ADGRA2: variants seen among roughly 807,000 people sequenced by gnomAD.
ADGRA2 encodes adhesion G protein-coupled receptor A2.
ADGRA2 carries 61 observed loss-of-function variants against 98.7 expected under a neutral mutation model. The observed-to-expected ratio is 0.62, with a 90% confidence interval of 0.50 to 0.76. The LOEUF is 0.76. Ranked by LOEUF, ADGRA2 falls within the 30% of genes least tolerant of loss-of-function variation. The pLI is 0.00. For synonymous variants in ADGRA2, 858 were observed against 831.5 expected (o/e 1.03, Z -0.55); for missense variants, 1,712 against 1,860.0 (o/e 0.92, Z 1.46).
intron 2 of ADGRA2, among the ~76,000 whole-genome samples, chr8:37,815,952 T>A (rs1804967247): frequency 6.6e-6 from 1 of 152,148 alleles, no homozygotes; most frequent in Admixed American, 6.6e-5. Flanking sequence ...TCTGCTCTCA[T>A]CCTGCTAGGC....
rs1805845874 is a variant in ADGRA2 at position 37,842,690 on chromosome 8, A to G, written c.*335A>G. 8.0e-6 allele frequency: 2 copies of G among 249,082 alleles called. No homozygotes were observed. 15.4% of individuals were successfully genotyped at this position (249,082 alleles called of 1,614,324 possible). On this transcript the variant is annotated 3_prime_UTR_variant, in exon 19 of 19. Transcript: ENST00000412232. ...AGTACTCCCACCCCGCCTACTGTCC[A>G]TGCGGCCTCACTGGGGGCCATCAGC... is the stretch of plus-strand genomic sequence containing the variant.
rs375841048 is a variant in ADGRA2 at position 37,835,408 on chromosome 8, G to A, written c.1833+10G>A. 12 of 1,602,574 alleles carry A rather than the reference G, an allele frequency of 7.5e-6. No individual in the cohort carries two copies. Among genetic ancestry groups the A allele is most frequent in the South Asian group, 1.1e-5 (1 of 90,750 alleles). On this transcript the variant is annotated intron_variant, in intron 12 of 18. Transcript: ENST00000412232. ...GTCCTTCCACATCAAGGTGGGCGCT[G>A]GGGGAGGGAGAGGGGGTGGGAGAAG...
In ADGRA2 at chr8:37,802,319, C is replaced by T. The variant is rs1192099031; in HGVS notation, c.266+4785C>T. 1.3e-5 allele frequency among the ~76,000 whole-genome samples: 2 copies of T among 152,232 alleles called. No individual in the cohort carries two copies. Among genetic ancestry groups the T allele is most frequent in the South Asian group, 2.1e-4 (1 of 4,824 alleles). On this transcript the variant is annotated intron_variant, in intron 1 of 18. Coordinates refer to ENST00000412232, the MANE Select transcript of ADGRA2 (RefSeq NM_032777.10). The surrounding 1 kb of genome is among the most constrained non-coding windows in gnomAD (Gnocchi z 4.7). The stretch of plus-strand genomic sequence containing the variant: ...TGCTGGTGGAGGGGCGGGCCCAGGC[C>T]GGCGCCTCCACCCCCTTCTCTTCCA...
rs1805134364 is a variant in ADGRA2, at chr8:37,821,809, G to A, written c.338+6842G>A. On this transcript the variant is annotated intron_variant, in intron 2 of 18. Transcript: ENST00000412232. ...GGGGGCTGGTATGCAGGGGTGCTGA[G>A]GCGCTCATTAGAAGCAGATGCTCAT... 2.0e-5 allele frequency among the ~76,000 whole-genome samples: 3 copies of A among 152,200 alleles called. 1 individual carries two copies. The South Asian group carries it at 6.2e-4, about 32-fold the overall frequency.
chr8:37,802,293 A>G lies in ADGRA2; in HGVS notation c.266+4759A>G, dbSNP rs2129894845. The stretch of plus-strand genomic sequence containing the variant: ...CACATGGCCCGAGGGCAGGACAAGG[A>G]TGCTGGTGGAGGGGCGGGCCCAGGC... On this transcript the variant is annotated intron_variant, in intron 1 of 18. Transcript: ENST00000412232. The surrounding 1 kb of genome is among the most constrained non-coding windows in gnomAD (Gnocchi z 4.7). 6.6e-6 allele frequency among the ~76,000 whole-genome samples: 1 copy of G among 152,140 alleles called. No individual in the cohort carries two copies. Among genetic ancestry groups the G allele is most frequent in the South Asian group, 2.1e-4 (1 of 4,810 alleles).
rs1316926078 is a variant in ADGRA2, at chr8:37,837,898, G to A, written c.2218G>A (p.Ala740Thr). 28 of 1,474,978 alleles carry A rather than the reference G, an allele frequency of 1.9e-5. No individual in the cohort carries two copies. Among genetic ancestry groups the A allele is most frequent in the East Asian group, 4.9e-5 (2 of 40,790 alleles). 91.4% of individuals were successfully genotyped at this position (1,474,978 alleles called of 1,614,324 possible). ...CCGCTCCAGCCAGCCCAATGTCAGC[G>A]CCCTGCACTGCCAGCACTTGGGCAA... is the stretch of plus-strand genomic sequence containing the variant. ...QLRSSQPNVS[A>T]LHCQHLGNVA... The change falls in exon 14 of 19, where the codon GCC (alanine) becomes ACC (threonine). Residue 740 changes from alanine to threonine, a missense_variant. Physicochemically the swap from Ala to Thr is moderately conservative, Grantham distance 58. Transcript: ENST00000412232.
chr8:37,811,119 CAAAAAAA>C (rs1158782949), intron 1 of ADGRA2, among the ~76,000 whole-genome samples: 9 of 68,632 alleles, frequency 1.3e-4, no homozygotes, highest in East Asian at 1.3e-3. Flanking sequence ...GTCTCAAAAA[CAAAAAAA>C]AAAAAAAAAA....
Position 37,814,793 on chromosome 8 carries a change from G to T in ADGRA2, c.267-103G>T. 1 of 808,478 alleles carries T rather than the reference G, an allele frequency of 1.2e-6. No individual in the cohort carries two copies. Among genetic ancestry groups the T allele is most frequent in the Non-Finnish European group, 2.2e-6 (1 of 460,728 alleles). The allele number at this position is 808,478 out of a possible 1,614,324, so 50.1% of individuals were successfully genotyped here. On this transcript the variant is annotated intron_variant, in intron 1 of 18. Transcript: ENST00000412232. This position sits in a 1 kb window ranked among gnomAD's most constrained non-coding sequence, Gnocchi z 4.3. ...GGCTGCTGCCTCGCACAACTCCAGG[G>T]GGCGCCATTGACAAAGATGCAAGCT...
At position 37,797,372 on chromosome 8, in the gene ADGRA2, C is replaced by T; in HGVS notation, c.104C>T (p.Pro35Leu). 1 of 1,424,558 alleles carries T rather than the reference C, an allele frequency of 7.0e-7. No homozygotes were observed. The highest frequency in any genetic ancestry group is 9.2e-7 in the Non-Finnish European group (1 of 1,090,276). The allele number at this position is 1,424,558 out of a possible 1,614,324, so 88.2% of individuals were successfully genotyped here. The change falls in exon 1 of 19, where the codon CCC becomes CTC. Residue 35 changes from proline (P) to leucine (L), a missense_variant. By Grantham distance (98) the Pro-to-Leu change is moderately conservative (BLOSUM62 -3). Transcript: ENST00000412232. The surrounding 1 kb of genome is among the most constrained non-coding windows in gnomAD (Gnocchi z 5.3). ...CTGGCGCCCGAGGCTCGGGGCGCGC[C>T]CGGCTGCCCGCTATCCATCCGCAGC... ...LLLAPEARGAPGCPLSIRSCK... is the reference protein window; with the variant it reads ...LLLAPEARGALGCPLSIRSCK...
chr8:37,825,714 C>T (rs1805259530), intron 2 of ADGRA2, among the ~76,000 whole-genome samples: 1 of 152,118 alleles, frequency 6.6e-6, no homozygotes. Context: ...CCTGCAGGTC[C>T]CAAAAATGTC....
At chr8:37,833,401 G>C (rs1805515704) in intron 9 of ADGRA2, among the ~76,000 whole-genome samples, 193 bp downstream of exon 9, 1 of 152,178 alleles carries the variant, frequency 6.6e-6, no homozygotes, top group Non-Finnish European at 1.5e-5. Context: ...AGGCCACAGT[G>C]GGGAAGGGCA....
chr8:37,842,013 C>A lies in ADGRA2; in HGVS notation c.3675C>A (p.Ser1225Arg). Reference protein sequence around the residue: ...LSSESGSLHNSPTDSYLGSSR... With the variant: ...LSSESGSLHNRPTDSYLGSSR... ...GCGAGAGCGGCAGTCTGCACAACAG[C>A]CCCACCGACAGCTACCTGGGCAGCA... is the stretch of plus-strand genomic sequence containing the variant. Residue 1225 changes from serine to arginine, a missense_variant, in exon 19 of 19, where the codon AGC becomes AGA. Ser to Arg is a moderately radical substitution (Grantham distance 110, BLOSUM62 -1). Transcript: ENST00000412232. 1 of 1,519,386 alleles carries A rather than the reference C, an allele frequency of 6.6e-7. No individual in the cohort carries two copies. The highest frequency in any genetic ancestry group is 8.8e-7 in the Non-Finnish European group (1 of 1,140,834). 94.1% of individuals were successfully genotyped at this position (1,519,386 alleles called of 1,614,324 possible). A position where few individuals can be genotyped will look rare whatever the true frequency, so the allele number is the denominator to read the frequency against.
chr8:37,842,206 A>C lies in ADGRA2; in HGVS notation c.3868A>C (p.Ser1290Arg). The change falls in exon 19 of 19, where the codon AGC (serine) becomes CGC (arginine). Residue 1290 changes from serine (S) to arginine (R), a missense_variant. Ser to Arg is a moderately radical substitution (Grantham distance 110). Transcript: ENST00000412232. Reference protein sequence around the residue: ...LKGGGALEKESHRRSYPLNAA... With the variant: ...LKGGGALEKERHRRSYPLNAA... ...GGGCGGCGGCGCGCTGGAGAAGGAG[A>C]GCCATCGCCGCTCGTACCCGCTCAA... 1 of 1,544,896 alleles carries C rather than the reference A, an allele frequency of 6.5e-7. No individual in the cohort carries two copies. The highest frequency in any genetic ancestry group is 8.7e-7 in the Non-Finnish European group (1 of 1,145,524).
intron 1 of ADGRA2, among the ~76,000 whole-genome samples, chr8:37,806,184 T>C (rs1249483955): frequency 2.6e-5 from 4 of 152,208 alleles, no homozygotes; most frequent in African/African-American, 9.7e-5. Flanking sequence ...CACATCTCCC[T>C]CCACCTCCTA....
chr8:37,843,436 G>A lies in ADGRA2; in HGVS notation c.*1081G>A, dbSNP rs1470332441. The A allele has an allele frequency of 6.6e-6, 1 of 152,268 alleles. No homozygotes were observed. The highest frequency in any genetic ancestry group is 1.9e-4 in the East Asian group (1 of 5,202). The allele number at this position is 152,268 out of a possible 1,614,324, so 9.4% of individuals were successfully genotyped here. On this transcript the variant is annotated 3_prime_UTR_variant, in exon 19 of 19. Coordinates refer to ENST00000412232, the MANE Select transcript of ADGRA2 (RefSeq NM_032777.10). Reference sequence around the variant, plus strand: ...AGCTCAAGCCAAGCCCAGAGGCAGTGGCTGGGGTCCCTGCAGGTCATGAGG... The same window carrying A: ...AGCTCAAGCCAAGCCCAGAGGCAGTAGCTGGGGTCCCTGCAGGTCATGAGG...
intron 14 of ADGRA2, among the ~76,000 whole-genome samples, chr8:37,838,334 C>G (rs1468489021): frequency 2.0e-5 from 3 of 150,830 alleles, no homozygotes; most frequent in Non-Finnish European, 4.4e-5. Flanking sequence ...TCACTGCAAC[C>G]TCCGCCTCCT....
chr8:37,838,213 T>C (rs1402395537), intron 14 of ADGRA2, among the ~76,000 whole-genome samples: 1 of 151,414 alleles, frequency 6.6e-6, no homozygotes, highest in Non-Finnish European at 1.5e-5. Flanking sequence ...TGGAACTCCC[T>C]AGCCTGGCCT....
In ADGRA2 at chr8:37,842,528, CGACA is replaced by C. The variant is rs897235048; in HGVS notation, c.*178_*181del. On this transcript the variant is annotated 3_prime_UTR_variant, in exon 19 of 19. Transcript: ENST00000412232. ...CCTAGAGGGCATCCCTCTGGGGTAG[CGACA>C]GACAATCCCAGAAACACGCATAATA... 1.4e-5 allele frequency: 15 copies of C among 1,099,752 alleles called. No homozygotes were observed. The highest frequency in any genetic ancestry group is 3.2e-4 in the Middle Eastern group (1 of 3,094). 68.1% of individuals were successfully genotyped at this position (1,099,752 alleles called of 1,614,324 possible).
intron 13 of ADGRA2, among the ~76,000 whole-genome samples, 177 bp from the exon 14 acceptor site, chr8:37,837,554 C>T (rs1805654480): frequency 6.6e-6 from 1 of 152,222 alleles, no homozygotes; most frequent in Admixed American, 6.5e-5. Flanking sequence ...CTCCAGGGTC[C>T]CCCATTAGAC....
Sources: allele counts gnomAD v4.1 joint callset (sites outside exome capture counted in the v4.1 genomes callset), GRCh38; gene constraint gnomAD v4.1.1; non-coding constraint Gnocchi (gnomAD v3.1); transcripts MANE v1.5; gene names NCBI Gene and HGNC (gene_info 2026-07-23, HGNC 2026-07-21).